The following GALC variants were observed in gnomAD, a reference collection of about 807,000 sequenced individuals.
GALC encodes the protein galactocerebrosidase.
A neutral mutation model predicts 91.8 loss-of-function variants in GALC; 77 were observed. That is an observed-to-expected ratio of 0.84 (90% CI 0.70 to 1.01). The LOEUF is 1.01. Ranked by LOEUF, GALC falls within the 50% of genes least tolerant of loss-of-function variation. The pLI is 0.00. For missense variants in GALC, 882 were observed against 855.9 expected (o/e 1.03, Z -0.38); for synonymous variants, 357 against 306.7 (o/e 1.16, Z -1.71).
chr14:87,942,524 T>C (rs1414511954), intron 14 of GALC, among the ~76,000 whole-genome samples: 1 of 151,984 alleles, frequency 6.6e-6, no homozygotes, highest in Non-Finnish European at 1.5e-5. Context: ...AATATTTCAC[T>C]TCCTACTCAG....
chr14:87,945,861 G>A, intron 13 of GALC, 128 bp from the exon 14 acceptor site: 1 of 707,536 alleles, frequency 1.4e-6, no homozygotes, highest in East Asian at 2.7e-5. Context: ...CTAAACCAAA[G>A]TTTAGGGCCT....
At chr14:87,936,009 G>A (rs920658368) in intron 16 of GALC, among the ~76,000 whole-genome samples, 5 of 151,862 alleles carry the variant, frequency 3.3e-5, no homozygotes, top group African/African-American at 9.7e-5. Flanking sequence ...CCGAGCCAAG[G>A]GACTCAAATC....
intron 7 of GALC, among the ~76,000 whole-genome samples, chr14:87,974,526 C>A (rs1429047466): frequency 2.0e-5 from 3 of 152,246 alleles, no homozygotes; most frequent in African/African-American, 7.2e-5. Flanking sequence ...ACCCCACTAA[C>A]ATAAGGAAAC....
At chr14:87,949,413 C>A (rs917428978) in intron 12 of GALC, among the ~76,000 whole-genome samples, 1 of 151,910 alleles carries the variant, frequency 6.6e-6, no homozygotes, top group Non-Finnish European at 1.5e-5. Context: ...AAAATCAGAT[C>A]TGCATTTTTG....
chr14:87,970,511 G>T lies in GALC; in HGVS notation c.753-2021C>A, dbSNP rs532051931. Among the ~76,000 whole-genome samples the T allele has an allele frequency of 5.3e-5, 8 of 152,138 alleles. 1 individual carries two copies. The highest frequency in any genetic ancestry group is 1.9e-4 in the African/African-American group (8 of 41,502). On this transcript the variant is annotated intron_variant, in intron 7 of 16. Coordinates refer to ENST00000261304, the MANE Select transcript of GALC (RefSeq NM_000153.4). ...ACCCAAATGATTTATTACATGATAT[G>T]AGCAAAGAAAGGCAGAACTAATACT...
chr14:87,992,333 G>A, intron 1 of GALC: 1 of 1,535,666 alleles, frequency 6.5e-7, no homozygotes, highest in Non-Finnish European at 8.7e-7. Flanking sequence ...AAGCCCATGG[G>A]CCCAGAGGGA....
rs1461464296 is a variant in GALC at position 87,936,904 on chromosome 14, ATATATATATTTATT to A, written c.1912-2040_1912-2027del. Among the ~76,000 whole-genome samples, 46 of 137,564 alleles carry A rather than the reference ATATATATATTTATT, an allele frequency of 3.3e-4. 1 individual carries two copies. Among genetic ancestry groups the A allele is most frequent in the African/African-American group, 1.1e-3 (39 of 35,896 alleles). The allele number at this position is 137,564 out of a possible 152,430, so 90.2% of individuals were successfully genotyped here. A position where few individuals can be genotyped will look rare whatever the true frequency, so the allele number is the denominator to read the frequency against. ...TTACCACATATCAGGTACTATATAT[ATATATATATTTATT>A]TATTTTCTCATTGAATCTTCATAAG... On this transcript the variant is annotated intron_variant, in intron 16 of 16. Transcript: ENST00000261304.
intron 1 of GALC, chr14:87,992,612 C>T (rs1887252675): frequency 6.9e-7 from 1 of 1,449,082 alleles, no homozygotes; most frequent in Admixed American, 2.7e-5. Context: ...GCGACGCTCC[C>T]CGACTGCCAT....
chr14:87,972,808 A>G (rs1033223617), intron 7 of GALC, among the ~76,000 whole-genome samples: 1 of 152,180 alleles, frequency 6.6e-6, no homozygotes, highest in Non-Finnish European at 1.5e-5. Flanking sequence ...GCATATGCAA[A>G]TAAGACCAAA....
intron 10 of GALC, among the ~76,000 whole-genome samples, chr14:87,951,332 C>T (rs1414797459): frequency 6.6e-6 from 1 of 151,788 alleles, no homozygotes; most frequent in African/African-American, 2.4e-5. Flanking sequence ...ATTCCACAGT[C>T]ACAGAATACT....
rs149462496 is a variant in GALC at position 87,963,296 on chromosome 14, A to G, written c.1161+88T>C. On this transcript the variant is annotated intron_variant, in intron 10 of 16. Coordinates refer to ENST00000261304, the MANE Select transcript of GALC (RefSeq NM_000153.4). ...CATCTGTCTGTATGCTTATGTATTT[A>G]CATGTAAAACAAAAGTATTCAGTTT... 3.3e-3 allele frequency: 4,552 copies of G among 1,381,012 alleles called. 17 individuals carry two copies. Among genetic ancestry groups the G allele is most frequent in the Admixed American group, 4.3e-3 (252 of 59,258 alleles). 85.5% of individuals were successfully genotyped at this position (1,381,012 alleles called of 1,614,324 possible).
In GALC at chr14:87,986,637, C is replaced by T. The variant is rs77466023; in HGVS notation, c.329-35G>A. ...GGAGAGCAAAAACGGAAGTAATGAT[C>T]CATGAATGGTACTTCCTAGGACCAT... On this transcript the variant is annotated intron_variant, in intron 3 of 16. Coordinates refer to ENST00000261304, the MANE Select transcript of GALC (RefSeq NM_000153.4). 0.14 allele frequency: 181,680 copies of T among 1,314,266 alleles called. 13,862 individuals carry two copies. The highest frequency in any genetic ancestry group is 0.16 in the Middle Eastern group (877 of 5,450). The allele number at this position is 1,314,266 out of a possible 1,614,324, so 81.4% of individuals were successfully genotyped here. A position where few individuals can be genotyped will look rare whatever the true frequency, so the allele number is the denominator to read the frequency against.
At chr14:87,939,845 A>G in intron 16 of GALC, 60 bp downstream of exon 16, 1 of 1,144,382 alleles carries the variant, frequency 8.7e-7, no homozygotes, top group Non-Finnish European at 1.3e-6. Flanking sequence ...ATAACAGAAA[A>G]TTATAGAAAT....
At chr14:87,965,665 C>G in intron 8 of GALC, 36 bp from the exon 9 acceptor site, 1 of 1,610,424 alleles carries the variant, frequency 6.2e-7, no homozygotes, top group South Asian at 1.1e-5. Context: ...ACCAAGACAA[C>G]TTGTGATAAA....
intron 6 of GALC, chr14:87,981,457 T>TA (rs768795302): frequency 5.6e-4 from 106 of 189,484 alleles, no homozygotes; most frequent in South Asian, 1.7e-3. Flanking sequence ...CCTATGGAAA[T>TA]AAAAAAAAAT....
upstream of GALC, chr14:87,993,451 C>G (rs73312836): frequency 8.5e-6 from 13 of 1,535,810 alleles, no homozygotes; most frequent in Non-Finnish European, 9.6e-6. Context: ...CCAAGGTCCG[C>G]CAAAGGAAGA....
intron 16 of GALC, among the ~76,000 whole-genome samples, chr14:87,937,395 CT>C (rs1566965473): frequency 6.6e-6 from 1 of 150,820 alleles, no homozygotes; most frequent in Non-Finnish European, 1.5e-5. Flanking sequence ...TGACAGACTA[CT>C]TTAGTGCAGA....
chr14:87,963,399 G>A lies in GALC; in HGVS notation c.1146C>T (p.Ile382=), dbSNP rs769253796. 1 of 1,613,272 alleles carries A rather than the reference G, an allele frequency of 6.2e-7. No individual in the cohort carries two copies. The highest frequency in any genetic ancestry group is 1.3e-5 in the African/African-American group (1 of 74,890). The change falls in exon 10 of 17, where the codon ATC becomes ATT. Residue 382 remains isoleucine, a synonymous_variant. Transcript: ENST00000261304. ...AAAAGTTTACCATGGTTTCAATGATGATGGTGAGGTTCCCTAAGCCATCAG... is the reference window on the plus strand; with the variant it reads ...AAAAGTTTACCATGGTTTCAATGATAATGGTGAGGTTCCCTAAGCCATCAG... ...ALTDGLGNLT[I]IIETMSHKHS...
chr14:87,980,239 C>T (rs141865481), intron 6 of GALC, among the ~76,000 whole-genome samples: 3,596 of 152,054 alleles, frequency 0.024, 70 homozygotes, highest in Non-Finnish European at 0.033. Flanking sequence ...AAAAATTAGC[C>T]GGGCGTGGTG....
Sources: gnomAD v4.1 joint callset for allele counts (sites outside exome capture counted in the v4.1 genomes callset) on GRCh38, gnomAD v4.1.1 for gene constraint, MANE v1.5 for transcripts, NCBI Gene and HGNC (gene_info 2026-07-23, HGNC 2026-07-21) for gene names.